Variants in GREB1 observed in about 807,000 individuals in gnomAD.
The protein encoded by GREB1 is growth regulating estrogen receptor binding 1, also known as protein GREB1.
In GREB1, 106 loss-of-function variants were observed where a neutral mutation model predicts 200.7. The observed-to-expected ratio is 0.53, with a 90% confidence interval of 0.45 to 0.62. GREB1 has a LOEUF of 0.62. Ranked by LOEUF, GREB1 falls within the 20% of genes least tolerant of loss-of-function variation. GREB1 has a pLI of 0.00. For missense variants in GREB1, 2,243 were observed against 2,556.8 expected (o/e 0.88, Z 2.65); for synonymous variants, 1,132 against 1,092.4 (o/e 1.04, Z -0.72).
chr2:11,496,442 G>T (rs1265863589), intron 1 of GREB1, among the ~76,000 whole-genome samples: 1 of 152,070 alleles, frequency 6.6e-6, no homozygotes, highest in Non-Finnish European at 1.5e-5. Context: ...ATTGTATAAA[G>T]GTTTCTAATA....
intron 23 of GREB1, among the ~76,000 whole-genome samples, chr2:11,622,203 C>G (rs1684068556): frequency 6.6e-6 from 1 of 152,174 alleles, no homozygotes; most frequent in Non-Finnish European, 1.5e-5. Context: ...GTCTCAGCCT[C>G]TGGAGCAGCT....
intron 4 of GREB1, among the ~76,000 whole-genome samples, chr2:11,569,588 G>T (rs1046275064): frequency 6.6e-6 from 1 of 152,216 alleles, no homozygotes; most frequent in Non-Finnish European, 1.5e-5. Context: ...AATAGCAGTC[G>T]GCACTTTTTG....
upstream of GREB1, among the ~76,000 whole-genome samples, chr2:11,533,376 C>G (rs57108153): frequency 0.024 from 3,601 of 152,260 alleles, 179 homozygotes; most frequent in African/African-American, 0.082. Flanking sequence ...TTAATCCTCA[C>G]AAAGTCAGCT....
intron 3 of GREB1, among the ~76,000 whole-genome samples, chr2:11,566,006 T>C (rs1445368891): frequency 6.8e-6 from 1 of 146,760 alleles, no homozygotes; most frequent in African/African-American, 2.7e-5. Context: ...ATCTGTGTCG[T>C]GGATAACTAT....
intron 1 of GREB1, among the ~76,000 whole-genome samples, chr2:11,497,556 TC>T (rs1672920498): frequency 6.6e-6 from 1 of 152,232 alleles, no homozygotes; most frequent in African/African-American, 2.4e-5. Context: ...AAAAGAGTTT[TC>T]CAAAGTGACT....
chr2:11,509,091 G>T (rs575577473), intron 1 of GREB1, among the ~76,000 whole-genome samples: 144 of 149,212 alleles, frequency 9.7e-4, no homozygotes, highest in African/African-American at 3.4e-3. Context: ...TAGCCAGGAT[G>T]GTCTCGATCT....
At chr2:11,634,452 G>C in intron 29 of GREB1, 103 bp downstream of exon 29, 1 of 815,326 alleles carries the variant, frequency 1.2e-6, no homozygotes, top group Non-Finnish European at 2.0e-6. Flanking sequence ...TGTGAGCACT[G>C]ACCTGGCCTT....
intron 5 of GREB1, 48 bp from the exon 6 acceptor site, chr2:11,578,249 G>A: frequency 4.4e-6 from 7 of 1,585,984 alleles, no homozygotes; most frequent in Non-Finnish European, 5.2e-6. Context: ...TTTCGTAGTT[G>A]TTGGAGAAGA....
intron 1 of GREB1, among the ~76,000 whole-genome samples, chr2:11,503,693 G>A (rs921475794): frequency 6.6e-6 from 1 of 152,128 alleles, no homozygotes; most frequent in African/African-American, 2.4e-5. Context: ...TCTTAATTTT[G>A]GCCACTTTCC....
At chr2:11,483,935 C>G (rs931199302) in intron 1 of GREB1, among the ~76,000 whole-genome samples, 1 of 152,146 alleles carries the variant, frequency 6.6e-6, no homozygotes, top group East Asian at 1.9e-4. Flanking sequence ...GCTTGAAAGA[C>G]TTTTTATTAT....
At chr2:11,546,896 C>A (rs1279076595) in intron 1 of GREB1, among the ~76,000 whole-genome samples, 1 of 151,452 alleles carries the variant, frequency 6.6e-6, no homozygotes, top group African/African-American at 2.4e-5. Context: ...AGATTTATAA[C>A]TCTGAAAGTG....
At chr2:11,574,084 G>A (rs1678587144) in intron 4 of GREB1, among the ~76,000 whole-genome samples, 1 of 152,210 alleles carries the variant, frequency 6.6e-6, no homozygotes, top group East Asian at 1.9e-4. Flanking sequence ...AGTTGGAGGT[G>A]AAGGAATAAA....
intron 15 of GREB1, among the ~76,000 whole-genome samples, chr2:11,599,772 G>A (rs375012755): frequency 1.2e-4 from 19 of 152,070 alleles, no homozygotes; most frequent in African/African-American, 3.9e-4. Context: ...CGCCCGCCTC[G>A]GCCTCCCAAA....
At chr2:11,527,904 A>C (rs965860375) in intron 1 of GREB1, among the ~76,000 whole-genome samples, 2 of 152,180 alleles carry the variant, frequency 1.3e-5, no homozygotes, top group African/African-American at 4.8e-5. Context: ...CAGATCCTCA[A>C]ACTGCTTTAA....
intron 31 of GREB1, 132 bp downstream of exon 31, chr2:11,638,048 T>A: frequency 1.3e-6 from 1 of 779,084 alleles, no homozygotes; most frequent in Non-Finnish European, 2.1e-6. Context: ...TTTGTAGGTT[T>A]TGCCATTCAG....
chr2:11,607,637 T>TACACATATATGC (rs1682525408), intron 17 of GREB1, among the ~76,000 whole-genome samples: 1 of 99,954 alleles, frequency 1.0e-5, no homozygotes, highest in African/African-American at 3.3e-5. Context: ...TATACATATA[T>TACACATATATGC]ATATATTTAT....
At chr2:11,604,647 G>T (rs1373701846) in intron 17 of GREB1, among the ~76,000 whole-genome samples, 1 of 152,184 alleles carries the variant, frequency 6.6e-6, no homozygotes, top group Non-Finnish European at 1.5e-5. Flanking sequence ...ATAATTGTGG[G>T]AACTGAAGCC....
chr2:11,632,782 C>T (rs183113023), intron 27 of GREB1, 107 bp from the exon 28 acceptor site: 111 of 852,698 alleles, frequency 1.3e-4, no homozygotes, highest in East Asian at 3.5e-4. Flanking sequence ...TCAGGAAGGT[C>T]GGGGCTGGCT....
At chr2:11,549,069 C>T (rs988321978) in intron 1 of GREB1, among the ~76,000 whole-genome samples, 2 of 152,102 alleles carry the variant, frequency 1.3e-5, no homozygotes, top group African/African-American at 4.8e-5. Context: ...GATGTGCCTC[C>T]ATGTGTATCC....
Sources: allele counts gnomAD v4.1 joint callset (sites outside exome capture counted in the v4.1 genomes callset), GRCh38; gene constraint gnomAD v4.1.1; transcripts MANE v1.5; gene names NCBI Gene and HGNC (gene_info 2026-07-23, HGNC 2026-07-21).